The following ADAMTS18 variants were observed in gnomAD, a reference collection of about 807,000 sequenced individuals.
The protein encoded by ADAMTS18 is ADAM metallopeptidase with thrombospondin type 1 motif 18.
ADAMTS18 carries 157 observed loss-of-function variants against 165.9 expected under a neutral mutation model. That is an observed-to-expected ratio of 0.95 (90% CI 0.83 to 1.08). The LOEUF (loss-of-function observed/expected upper bound fraction) is 1.08. Ranked by LOEUF, ADAMTS18 falls within the 50% of genes least tolerant of loss-of-function variation. The pLI, the probability that ADAMTS18 is intolerant of heterozygous loss-of-function variation, is 0.00. For missense variants in ADAMTS18, 2,040 were observed against 1,534.0 expected, an observed-to-expected ratio of 1.33 and a Z score of -5.51; for synonymous variants, 782 against 578.2, an observed-to-expected ratio of 1.35 and a Z score of -5.06.
chr16:77,415,319 C>A (rs1216134339), intron 3 of ADAMTS18, among the ~76,000 whole-genome samples: 2 of 152,126 alleles, frequency 1.3e-5, no homozygotes, highest in East Asian at 1.9e-4. Context: ...ACTTTCATTT[C>A]AAAATGTCAG....
At position 77,320,023 on chromosome 16, in the gene ADAMTS18, G is replaced by A. The variant is rs1597117571; in HGVS notation, c.2358C>T (p.Ser786=). 1.2e-6 allele frequency: 2 copies of A among 1,614,120 alleles called. No individual in the cohort carries two copies. The part of the protein sequence containing the change: ...SIEIQELQVS[S]SYLAVRSLSQ... ...TGAGGCTTCGAACTGCGAGGTAACT[G>A]GAGGAAACCTGCAGCTCCTGGATTT... is the stretch of plus-strand genomic sequence containing the variant. The change falls in exon 16 of 23, where the codon TCC becomes TCT. Residue 786 remains serine, a synonymous_variant. Coordinates refer to ENST00000282849, the MANE Select transcript of ADAMTS18 (RefSeq NM_199355.4).
chr16:77,322,228 A>G, intron 14 of ADAMTS18, 108 bp downstream of exon 14: 1 of 1,315,168 alleles, frequency 7.6e-7, no homozygotes, highest in Non-Finnish European at 1.1e-6. Flanking sequence ...GCTCCATGCC[A>G]CCTGCTCTTC....
intron 16 of ADAMTS18, among the ~76,000 whole-genome samples, chr16:77,307,022 G>A (rs2055694569): frequency 6.6e-6 from 1 of 152,172 alleles, no homozygotes; most frequent in South Asian, 2.1e-4. Context: ...GGTGTGCTGT[G>A]ACATTTACTT....
At chr16:77,429,506 T>C (rs1031096121) in intron 3 of ADAMTS18, among the ~76,000 whole-genome samples, 1 of 152,080 alleles carries the variant, frequency 6.6e-6, no homozygotes, top group Non-Finnish European at 1.5e-5. Flanking sequence ...ATCTGGGTGA[T>C]GAAATAATCT....
chr16:77,338,193 C>T (rs1052979796), intron 11 of ADAMTS18, among the ~76,000 whole-genome samples: 1 of 152,090 alleles, frequency 6.6e-6, no homozygotes, highest in East Asian at 1.9e-4. Context: ...CGTGAGCCAC[C>T]GCGCCTGGCT....
At chr16:77,419,091 G>C (rs1167236820) in intron 3 of ADAMTS18, among the ~76,000 whole-genome samples, 2 of 152,216 alleles carry the variant, frequency 1.3e-5, no homozygotes, top group Non-Finnish European at 2.9e-5. Flanking sequence ...GGAGACTGCA[G>C]TGAGCCAAGA....
At chr16:77,411,806 C>T (rs1454423495) in intron 3 of ADAMTS18, among the ~76,000 whole-genome samples, 1 of 150,492 alleles carries the variant, frequency 6.6e-6, no homozygotes, top group Admixed American at 6.7e-5. Flanking sequence ...CCTGTCTCAG[C>T]CTCCTGAGTA....
chr16:77,368,437 C>CTTTTTTTTT (rs892324445), intron 3 of ADAMTS18, among the ~76,000 whole-genome samples: 6 of 132,950 alleles, frequency 4.5e-5, no homozygotes, highest in African/African-American at 8.4e-5. Flanking sequence ...TTCTTTTTTT[C>CTTTTTTTTT]TTTTTTTTTT....
intron 16 of ADAMTS18, among the ~76,000 whole-genome samples, chr16:77,316,556 G>A (rs981876051): frequency 1.3e-5 from 2 of 152,084 alleles, no homozygotes; most frequent in African/African-American, 4.8e-5. Context: ...TTATGTGTGG[G>A]CCACCCCCTG....
intron 3 of ADAMTS18, among the ~76,000 whole-genome samples, chr16:77,398,624 G>A (rs559406156): frequency 5.3e-5 from 8 of 152,288 alleles, no homozygotes; most frequent in Middle Eastern, 3.4e-3. Flanking sequence ...GGTCAGGTAA[G>A]TCTTTGCTGT....
rs72801662 is a variant in ADAMTS18 at position 77,401,290 on chromosome 16, A to G, written c.495+30005T>C. On this transcript the variant is annotated intron_variant, in intron 3 of 22. Coordinates refer to ENST00000282849, the MANE Select transcript of ADAMTS18 (RefSeq NM_199355.4). ...AATAACAACAACAACAAAAGAAAGAAAGAAACCAAATTGTAACATAAATCA... is the reference window on the plus strand; with the variant it reads ...AATAACAACAACAACAAAAGAAAGAGAGAAACCAAATTGTAACATAAATCA... Among the ~76,000 whole-genome samples, 1,375 of 152,266 alleles carry G rather than the reference A, an allele frequency of 9.0e-3. 8 individuals are homozygous for G. The highest frequency in any genetic ancestry group is 0.015 in the Non-Finnish European group (1,024 of 68,014).
At chr16:77,361,103 T>A (rs908590792) in intron 7 of ADAMTS18, among the ~76,000 whole-genome samples, 14 of 151,904 alleles carry the variant, frequency 9.2e-5, no homozygotes, top group African/African-American at 2.9e-4. Flanking sequence ...ATAAAAAAAA[T>A]TCATAAAGTT....
intron 10 of ADAMTS18, among the ~76,000 whole-genome samples, chr16:77,351,760 TCTGTTGC>T: frequency 6.6e-6 from 1 of 152,128 alleles, no homozygotes; most frequent in South Asian, 2.1e-4. Flanking sequence ...AGGGTCTCAG[TCTGTTGC>T]CTGACTGTAC....
chr16:77,317,238 G>A (rs113868622), intron 16 of ADAMTS18, among the ~76,000 whole-genome samples: 173 of 152,264 alleles, frequency 1.1e-3, no homozygotes, highest in African/African-American at 4.0e-3. Context: ...ATAGCAGGAG[G>A]ATTTTCTTTT....
intron 11 of ADAMTS18, among the ~76,000 whole-genome samples, chr16:77,338,815 G>A (rs926873957): frequency 5.9e-5 from 9 of 151,786 alleles, no homozygotes; most frequent in African/African-American, 1.2e-4. Flanking sequence ...TTAGCCGGGC[G>A]TGGTGGCGGG....
chr16:77,413,281 C>T lies in ADAMTS18; in HGVS notation c.495+18014G>A, dbSNP rs547561099. ...TTTTGGGCCTAAGGAAACCAGGACT[C>T]AGCAAGGGAATAAAACATTAAAACT... On this transcript the variant is annotated intron_variant, in intron 3 of 22. Coordinates refer to ENST00000282849, the MANE Select transcript of ADAMTS18 (RefSeq NM_199355.4). Among the ~76,000 whole-genome samples the T allele has an allele frequency of 4.6e-5, 7 of 152,252 alleles. No individual in the cohort carries two copies. The South Asian group carries it at 1.5e-3, about 32-fold the overall frequency.
At chr16:77,430,930 C>T (rs2057731063) in intron 3 of ADAMTS18, among the ~76,000 whole-genome samples, 1 of 152,156 alleles carries the variant, frequency 6.6e-6, no homozygotes, top group Non-Finnish European at 1.5e-5. Context: ...ACAGTTTTCC[C>T]ATTTCAAAGC....
intron 12 of ADAMTS18, 61 bp downstream of exon 12, chr16:77,335,695 C>T (rs1323291369): frequency 1.9e-6 from 3 of 1,600,342 alleles, no homozygotes; most frequent in Non-Finnish European, 2.6e-6. Flanking sequence ...CAAGAAAAAC[C>T]AGCGTGTTAC....
At chr16:77,424,641 G>C (rs1202731797) in intron 3 of ADAMTS18, among the ~76,000 whole-genome samples, 1 of 152,106 alleles carries the variant, frequency 6.6e-6, no homozygotes, top group African/African-American at 2.4e-5. Flanking sequence ...AGTTTGTTAT[G>C]AGCAAATAAT....
Sources: gnomAD v4.1 joint callset for allele counts (sites outside exome capture counted in the v4.1 genomes callset) on GRCh38, gnomAD v4.1.1 for gene constraint, MANE v1.5 for transcripts, NCBI Gene and HGNC (gene_info 2026-07-23, HGNC 2026-07-21) for gene names.